XKR3: variants seen among roughly 807,000 people sequenced by gnomAD.
XKR3 encodes XK-related protein 3.
XKR3 carries 27 observed loss-of-function variants against 40.3 expected under a neutral mutation model. That is an observed-to-expected ratio of 0.67 (90% CI 0.49 to 0.92). XKR3 has a LOEUF of 0.92. Among genes scored for constraint, XKR3 ranks in the 40% least tolerant of loss-of-function variants. The pLI is 0.00. For synonymous variants in XKR3, 193 were observed against 195.4 expected (o/e 0.99, Z 0.10); for missense variants, 472 against 537.6 (o/e 0.88, Z 1.21).
chr22:16,800,657 G>A lies in XKR3; in HGVS notation c.336-633C>T, dbSNP rs146137868. ...AAAACATACACAGATATGATCTATA[G>A]TGGAGTTTAACTTCAAAGTAGTCCT... On this transcript the variant is annotated intron_variant, in intron 2 of 3. Transcript: ENST00000684488. 1.4e-3 allele frequency among the ~76,000 whole-genome samples: 214 copies of A among 152,260 alleles called. 1 individual carries two copies. The highest frequency in any genetic ancestry group is 4.7e-3 in the African/African-American group (194 of 41,554).
chr22:16,788,640 TG>T (rs1434815474), intron 3 of XKR3, among the ~76,000 whole-genome samples: 1 of 152,048 alleles, frequency 6.6e-6, no homozygotes, highest in Non-Finnish European at 1.5e-5. Context: ...GTTCATTCTG[TG>T]GGGCCAGCAA....
At chr22:16,822,407 AAAAG>A (rs997236329) in intron 1 of XKR3, among the ~76,000 whole-genome samples, 9 of 152,144 alleles carry the variant, frequency 5.9e-5, no homozygotes, top group African/African-American at 1.9e-4. Context: ...TAAATAATAG[AAAAG>A]AAGACAGATA....
rs2060078932 is a variant in XKR3 at position 16,784,153 on chromosome 22, C to T, written c.846G>A (p.Glu282=). 1.9e-6 allele frequency: 3 copies of T among 1,614,098 alleles called. No homozygotes were observed. Among genetic ancestry groups the T allele is most frequent in the Non-Finnish European group, 2.5e-6 (3 of 1,180,056 alleles). The change falls in exon 4 of 4, where the codon GAG becomes GAA. Residue 282 remains glutamate (E), a synonymous_variant. Coordinates refer to ENST00000684488, the MANE Select transcript of XKR3 (RefSeq NM_001386955.1). ...YFVSLLAPWL[E]FWKSGAHLPG... ...GAAGATGAGCTCCACTTTTCCAAAA[C>T]TCCAGCCACGGTGCCAACAATGATA... is the stretch of plus-strand genomic sequence containing the variant.
At chr22:16,807,449 GC>G (rs1368370244) in intron 2 of XKR3, among the ~76,000 whole-genome samples, 1 of 152,094 alleles carries the variant, frequency 6.6e-6, no homozygotes, top group African/African-American at 2.4e-5. Flanking sequence ...TATTTAAAAT[GC>G]CCATTAGGCC....
Position 16,792,286 on chromosome 22 carries a change from G to A in XKR3, c.589+7485C>T, listed in dbSNP as rs1045718887. On this transcript the variant is annotated intron_variant, in intron 3 of 3. Transcript: ENST00000684488. ...TTCATATGTTTATAAATAGGTGTCCGTCTACATTTTGTCAGTTAATAGAAA... is the reference window on the plus strand; with the variant it reads ...TTCATATGTTTATAAATAGGTGTCCATCTACATTTTGTCAGTTAATAGAAA... Among the ~76,000 whole-genome samples the A allele has an allele frequency of 2.7e-3, 418 of 152,216 alleles. 4 individuals carry two copies. Among genetic ancestry groups the A allele is most frequent in the Admixed American group, 0.015 (231 of 15,280 alleles).
chr22:16,808,357 A>G (rs1242899418), intron 1 of XKR3, among the ~76,000 whole-genome samples: 1 of 152,204 alleles, frequency 6.6e-6, no homozygotes. Flanking sequence ...CACTGAGATG[A>G]TAGTCCTATC....
intron 1 of XKR3, among the ~76,000 whole-genome samples, chr22:16,823,262 C>T (rs1436804895): frequency 6.6e-6 from 1 of 152,158 alleles, no homozygotes; most frequent in Non-Finnish European, 1.5e-5. Flanking sequence ...TTAGAATCTT[C>T]CTGGGGAGAT....
intron 2 of XKR3, 126 bp downstream of exon 2, chr22:16,807,613 A>T (rs1300838619): frequency 1.1e-6 from 1 of 913,698 alleles, no homozygotes; most frequent in African/African-American, 1.7e-5. Context: ...AAACTAAATA[A>T]ATCTAAAGAG....
At chr22:16,811,826 G>GC (rs2060214107) in intron 1 of XKR3, among the ~76,000 whole-genome samples, 2 of 152,002 alleles carry the variant, frequency 1.3e-5, no homozygotes, top group East Asian at 3.9e-4. Flanking sequence ...GGCTAACATG[G>GC]TGAAACCCTG....
intron 3 of XKR3, among the ~76,000 whole-genome samples, chr22:16,796,789 T>G (rs1326478091): frequency 7.2e-5 from 11 of 152,320 alleles, no homozygotes; most frequent in Admixed American, 2.0e-4. Context: ...CCAACGTCAT[T>G]CTTCACAAAA....
chr22:16,791,372 A>T (rs1192649240), intron 3 of XKR3, among the ~76,000 whole-genome samples: 1 of 152,002 alleles, frequency 6.6e-6, no homozygotes, highest in African/African-American at 2.4e-5. Flanking sequence ...CAGAGACTAG[A>T]GTGGTTATAG....
chr22:16,797,513 C>A (rs2060146457), intron 3 of XKR3, among the ~76,000 whole-genome samples: 2 of 152,130 alleles, frequency 1.3e-5, no homozygotes, highest in African/African-American at 4.8e-5. Flanking sequence ...GTAAAAGTGG[C>A]CAGGCGCAGT....
intron 2 of XKR3, among the ~76,000 whole-genome samples, chr22:16,806,767 C>T (rs548008068): frequency 1.1e-4 from 17 of 152,084 alleles, no homozygotes; most frequent in African/African-American, 3.6e-4. Context: ...AATAACAAAA[C>T]AGTTAACAAT....
chr22:16,783,733 A>G lies in XKR3; in HGVS notation c.1266T>C (p.Tyr422=). The change falls in exon 4 of 4, where the codon TAT becomes TAC. Residue 422 remains tyrosine, a synonymous_variant. Transcript: ENST00000684488. ...RTENQPEAPY[Y]YVNIEKTEKN... ...TTTCAGTTTTCTCGATGTTTACATA[A>G]TAGTACGGTGCTTCTGGCTGATTTT... 1.9e-6 allele frequency: 3 copies of G among 1,614,154 alleles called. No homozygotes were observed. Among genetic ancestry groups the G allele is most frequent in the Non-Finnish European group, 2.5e-6 (3 of 1,180,034 alleles).
chr22:16,789,448 TTAGAG>T (rs1237123638), intron 3 of XKR3, among the ~76,000 whole-genome samples: 2 of 152,096 alleles, frequency 1.3e-5, no homozygotes, highest in African/African-American at 4.8e-5. Context: ...CAAAAAACCT[TTAGAG>T]TAAATTTTAC....
At chr22:16,801,047 C>A (rs944616135) in intron 2 of XKR3, among the ~76,000 whole-genome samples, 5 of 152,004 alleles carry the variant, frequency 3.3e-5, no homozygotes, top group African/African-American at 1.2e-4. Flanking sequence ...AAAGGAGCAT[C>A]TAATATATGA....
At chr22:16,821,198 T>C (rs892602124) in intron 1 of XKR3, among the ~76,000 whole-genome samples, 1 of 152,164 alleles carries the variant, frequency 6.6e-6, no homozygotes, top group Non-Finnish European at 1.5e-5. Context: ...TGTAATTTTC[T>C]ATGATAGCAT....
chr22:16,816,732 CT>C lies in XKR3; in HGVS notation c.-11+8558del, dbSNP rs377339115. ...TGTAGAATTTATTTTCATATTCTGC[CT>C]TTTGGCCCTTCTATACATGTTTTCC... On this transcript the variant is annotated intron_variant, in intron 1 of 3. Coordinates refer to ENST00000684488, the MANE Select transcript of XKR3 (RefSeq NM_001386955.1). Among the ~76,000 whole-genome samples the C allele has an allele frequency of 2.0e-4, 31 of 151,884 alleles. No homozygotes were observed. In the South Asian group the frequency reaches 6.0e-3, roughly 29 times the overall value.
chr22:16,792,517 C>T (rs1331023911), intron 3 of XKR3, among the ~76,000 whole-genome samples: 46 of 152,292 alleles, frequency 3.0e-4, no homozygotes, highest in Middle Eastern at 3.4e-3. Context: ...GTTTATTCAG[C>T]CATCATTTGT....
Sources: allele counts gnomAD v4.1 joint callset (sites outside exome capture counted in the v4.1 genomes callset), GRCh38; gene constraint gnomAD v4.1.1; transcripts MANE v1.5; gene names NCBI Gene and HGNC (gene_info 2026-07-23, HGNC 2026-07-21).